Variants in KRT13 observed in about 807,000 individuals in gnomAD.
KRT13 encodes keratin 13, also known as keratin, type I cytoskeletal 13.
Under a neutral mutation model 40.6 loss-of-function variants are expected in KRT13, and 27 were observed. That is an observed-to-expected ratio of 0.67 (90% CI 0.49 to 0.92). The LOEUF (loss-of-function observed/expected upper bound fraction) is 0.92, where lower values mean the gene tolerates loss of function less well. KRT13 is among the 40% of genes least tolerant of loss of function. The pLI is 0.00. For synonymous variants in KRT13, 266 were observed against 240.3 expected, an observed-to-expected ratio of 1.11 and a Z score of -0.99; for missense variants, 605 against 611.5, an observed-to-expected ratio of 0.99 and a Z score of 0.11.
rs1371630800 is a variant in KRT13, at chr17:41,502,515, C to G, written c.1103G>C (p.Ser368Thr). 1 of 1,614,082 alleles carries G rather than the reference C, an allele frequency of 6.2e-7. No individual in the cohort carries two copies. The highest frequency in any genetic ancestry group is 2.2e-5 in the East Asian group (1 of 44,880). ...CTCGCTCAGCTGGGCCTCGATGCTG[C>G]TGATGAGTCCCTGGATCTGCTGCAG... ...LQLQQIQGLI[S>T]SIEAQLSELR... Residue 368 changes from serine (S) to threonine (T), a missense_variant, in exon 6 of 8, where the codon AGC becomes ACC. Transcript: ENST00000246635.
intron 3 of KRT13, 45 bp downstream of exon 3, chr17:41,503,242 C>T (rs2144505041): frequency 1.2e-6 from 2 of 1,610,952 alleles, no homozygotes; most frequent in Middle Eastern, 3.4e-4. Flanking sequence ...TCCTCCTTCT[C>T]ACTGGAGGTT....
rs200309164 is a variant in KRT13 at position 41,502,485 on chromosome 17, C to A, written c.1133G>T (p.Arg378Leu). 6.2e-7 allele frequency: 1 copy of A among 1,614,168 alleles called. No homozygotes were observed. The highest frequency in any genetic ancestry group is 8.5e-7 in the Non-Finnish European group (1 of 1,180,032). ...TTGGTTCTGGCACTCCATCTCACTG[C>A]GGAGCTCGCTCAGCTGGGCCTCGAT... is the stretch of plus-strand genomic sequence containing the variant. ...SSIEAQLSEL[R>L]SEMECQNQEY... The change falls in exon 6 of 8, where the codon CGC (arginine) becomes CTC (leucine). Residue 378 changes from arginine to leucine, a missense_variant. Arg to Leu is a moderately radical substitution (Grantham distance 102). Coordinates refer to ENST00000246635, the MANE Select transcript of KRT13 (RefSeq NM_153490.3).
At chr17:41,501,426 C>A (rs907774172) in intron 7 of KRT13, 64 bp from the exon 8 acceptor site, 3 of 1,349,342 alleles carry the variant, frequency 2.2e-6, no homozygotes, top group East Asian at 2.5e-5. Flanking sequence ...AGGGCAGGGC[C>A]CCCCTGGAGG....
At position 41,501,723 on chromosome 17, in the gene KRT13, T is replaced by C. The variant is rs1156344071; in HGVS notation, c.1266A>G (p.Ser422=). 1.9e-6 allele frequency: 3 copies of C among 1,590,112 alleles called. No homozygotes were observed. The highest frequency in any genetic ancestry group is 2.6e-6 in the Non-Finnish European group (3 of 1,167,588). ...ACCACGGGGCTGTTCCCTTACCTGC[T>C]GAGGAAGGGAAACCAATCATCCTGG... ...QDAKMIGFPS[S]AGSVSPRSTS... is the part of the protein sequence containing the mutation. Residue 422 remains serine (S), a synonymous_variant, in exon 7 of 8, where the codon TCA becomes TCG. Transcript: ENST00000246635.
chr17:41,501,978 A>G (rs1262647554), intron 6 of KRT13: 5 of 1,432,690 alleles, frequency 3.5e-6, no homozygotes, highest in Non-Finnish European at 4.6e-6. Context: ...TAGCCACAAG[A>G]TTCAGGGTGT....
At chr17:41,501,598 C>G (rs754682435) in intron 7 of KRT13, 121 bp downstream of exon 7, 13 of 1,498,408 alleles carry the variant, frequency 8.7e-6, no homozygotes, top group Middle Eastern at 2.0e-4. Context: ...CAGCTCTCCC[C>G]CTCCCTACAC....
At position 41,505,401 on chromosome 17, in the gene KRT13, G is replaced by A. The variant is rs1211358638; in HGVS notation, c.150C>T (p.Ser50=). The part of the protein sequence containing the change: ...GSAGGYGGGV[S]CGFGGGAGSG... The stretch of plus-strand genomic sequence containing the variant: ...TACCAGCCCCTCCACCAAAACCACA[G>A]CTCACGCCGCCTCCATAGCCCCCAG... The change falls in exon 1 of 8, where the codon AGC becomes AGT. Residue 50 remains serine, a synonymous_variant. Coordinates refer to ENST00000246635, the MANE Select transcript of KRT13 (RefSeq NM_153490.3). 1.9e-6 allele frequency: 3 copies of A among 1,613,032 alleles called. No individual in the cohort carries two copies. Among genetic ancestry groups the A allele is most frequent in the Non-Finnish European group, 2.5e-6 (3 of 1,179,182 alleles).
Position 41,501,242 on chromosome 17 carries a change from G to A in KRT13, c.*14C>T, listed in dbSNP as rs1214193648. On this transcript the variant is annotated 3_prime_UTR_variant, in exon 8 of 8. Transcript: ENST00000246635. Reference sequence around the variant, plus strand: ...CTGGGTGCTGAAGACAGAGGGAGGGGACGCCAGGCAGATTTAAGGCCTACG... The same window carrying A: ...CTGGGTGCTGAAGACAGAGGGAGGGAACGCCAGGCAGATTTAAGGCCTACG... 2 of 1,534,304 alleles carry A rather than the reference G, an allele frequency of 1.3e-6. No homozygotes were observed. The highest frequency in any genetic ancestry group is 1.4e-5 in the African/African-American group (1 of 73,120).
At position 41,503,440 on chromosome 17, in the gene KRT13, A is replaced by C. The variant is rs558089092; in HGVS notation, c.582T>G (p.Tyr194Ter). 3.1e-6 allele frequency: 5 copies of C among 1,614,180 alleles called. No homozygotes were observed. In the Admixed American group the frequency reaches 5.0e-5, roughly 16 times the overall value. ...RLAADDFRLK[Y>*]ENELALRQSV... ...TCTGGCGCAGGGCCAGCTCATTCTC[A>C]TACCTAAAATAGTAAAAAAATGAAA... The change falls in exon 3 of 8, where the codon TAT becomes TAG. Residue 194 changes from tyrosine to a stop codon, truncating the protein, a stop_gained. Transcript: ENST00000246635. LOFTEE classifies it high-confidence loss of function.
rs1453783401 is a variant in KRT13 at position 41,501,249 on chromosome 17, G to A, written c.*7C>T. On this transcript the variant is annotated 3_prime_UTR_variant, in exon 8 of 8. Coordinates refer to ENST00000246635, the MANE Select transcript of KRT13 (RefSeq NM_153490.3). ...CTGAAGACAGAGGGAGGGGACGCCA[G>A]GCAGATTTAAGGCCTACGGACATCA... 2 of 1,548,166 alleles carry A rather than the reference G, an allele frequency of 1.3e-6. No homozygotes were observed. Among genetic ancestry groups the A allele is most frequent in the African/African-American group, 1.4e-5 (1 of 73,640 alleles).
Position 41,505,095 on chromosome 17 carries a change from G to A in KRT13, c.456C>T (p.Tyr152=). 3 of 1,614,240 alleles carry A rather than the reference G, an allele frequency of 1.9e-6. No individual in the cohort carries two copies. The highest frequency in any genetic ancestry group is 1.1e-5 in the South Asian group (1 of 91,084). ...CTTCAATGGTCTTGTAGTAGGGGCT[G>A]TAGTCCCGCTCAGGGCTAGCTGGGC... ...KQSPASPERD[Y]SPYYKTIEEL... The change falls in exon 1 of 8, where the codon TAC becomes TAT. Residue 152 remains tyrosine (Y), a synonymous_variant. Transcript: ENST00000246635.
intron 7 of KRT13, 42 bp from the exon 8 acceptor site, chr17:41,501,404 C>T (rs1904845263): frequency 1.3e-6 from 2 of 1,483,884 alleles, no homozygotes; most frequent in South Asian, 1.2e-5. Context: ...TGGAGAAGAC[C>T]CACCTCAGGA....
chr17:41,505,063 C>G lies in KRT13; in HGVS notation c.488G>C (p.Arg163Pro). Residue 163 changes from arginine (R) to proline (P), a missense_variant, in exon 1 of 8, where the codon CGG becomes CCG. Transcript: ENST00000246635. Reference protein sequence around the residue: ...SPYYKTIEELRDKILTATIEN... With the variant: ...SPYYKTIEELPDKILTATIEN... ...CAGCTTCCAAGGGCTCACCTTGTCCCGGAGCTCTTCAATGGTCTTGTAGTA... is the reference window on the plus strand; with the variant it reads ...CAGCTTCCAAGGGCTCACCTTGTCCGGGAGCTCTTCAATGGTCTTGTAGTA... 1 of 1,614,170 alleles carries G rather than the reference C, an allele frequency of 6.2e-7. No homozygotes were observed. The highest frequency in any genetic ancestry group is 8.5e-7 in the Non-Finnish European group (1 of 1,180,024).
chr17:41,501,805 T>C, intron 6 of KRT13, 61 bp from the exon 7 acceptor site: 2 of 1,566,526 alleles, frequency 1.3e-6, no homozygotes, highest in South Asian at 2.4e-5. Context: ...TGCTTACCTG[T>C]TCCTCTGGGG....
chr17:41,504,255 G>A (rs1007408829), intron 1 of KRT13: 3 of 173,922 alleles, frequency 1.7e-5, no homozygotes, highest in Non-Finnish European at 2.5e-5. Context: ...TCTTTGGTTC[G>A]TCATGTCTTG....
intron 6 of KRT13, 109 bp downstream of exon 6, chr17:41,502,265 G>C (rs1408802560): frequency 6.2e-7 from 1 of 1,608,058 alleles, no homozygotes; most frequent in Non-Finnish European, 8.5e-7. Flanking sequence ...GTCAGACAGT[G>C]AGGGGTCTCC....
rs566807427 is a variant in KRT13 at position 41,501,622 on chromosome 17, A to C, written c.1270+97T>G. 2.5e-5 allele frequency: 39 copies of C among 1,542,804 alleles called. No individual in the cohort carries two copies. In the South Asian group the frequency reaches 3.9e-4, roughly 16 times the overall value. ...CCCTCCCTACACTGGAGAGCCCAGC[A>C]CTGGCTCCCTCCCTCCCCGCCAGCT... is the stretch of plus-strand genomic sequence containing the variant. On this transcript the variant is annotated intron_variant, in intron 7 of 7. Transcript: ENST00000246635.
chr17:41,501,591 C>G, intron 7 of KRT13, 128 bp downstream of exon 7: 7 of 1,480,848 alleles, frequency 4.7e-6, no homozygotes, highest in Non-Finnish European at 6.4e-6. Flanking sequence ...TCCACCCCAG[C>G]TCTCCCCCTC....
chr17:41,503,341 C>T lies in KRT13; in HGVS notation c.681G>A (p.Met227Ile), dbSNP rs1904936121. 2 of 1,614,248 alleles carry T rather than the reference C, an allele frequency of 1.2e-6. No individual in the cohort carries two copies. Among genetic ancestry groups the T allele is most frequent in the East Asian group, 4.5e-5 (2 of 44,882 alleles). The part of the protein sequence containing the change: ...ELTLSKTDLE[M>I]QIESLNEELA... Reference sequence around the variant, plus strand: ...GCTCTTCATTCAGGCTCTCGATCTGCATCTCCAGGTCAGTCTTAGACAGAG... The same window carrying T: ...GCTCTTCATTCAGGCTCTCGATCTGTATCTCCAGGTCAGTCTTAGACAGAG... Residue 227 changes from methionine (M) to isoleucine (I), a missense_variant, in exon 3 of 8, where the codon ATG becomes ATA. Met to Ile is a conservative substitution (Grantham distance 10, BLOSUM62 1). Transcript: ENST00000246635.
Sources: allele counts gnomAD v4.1 joint callset, GRCh38; gene constraint gnomAD v4.1.1; transcripts MANE v1.5; gene names NCBI Gene and HGNC (gene_info 2026-07-23, HGNC 2026-07-21).